PCDH11X: variants seen among roughly 807,000 people sequenced by gnomAD.
PCDH11X encodes protocadherin-11 X-linked.
In PCDH11X, 18 loss-of-function variants were observed where a neutral mutation model predicts 53.3. The observed-to-expected ratio is 0.34, with a 90% CI of 0.23 to 0.50. PCDH11X has a LOEUF of 0.50. Ranked by LOEUF, PCDH11X falls within the 20% of genes least tolerant of loss-of-function variation. The pLI is 0.98. For synonymous variants in PCDH11X, 279 were observed against 393.3 expected (o/e 0.71, Z 3.44); for missense variants, 570 against 1,032.4 (o/e 0.55, Z 6.14).
chrX:92,476,042 C>T lies in PCDH11X; in HGVS notation c.3367+7720C>T, dbSNP rs777016865. Among the ~76,000 whole-genome samples the T allele has an allele frequency of 1.6e-3, 175 of 111,534 alleles. 3 individuals carry two copies. The highest frequency in any genetic ancestry group is 5.5e-3 in the African/African-American group (170 of 30,683). ...CCCATAATTCCCATGGGTTGTGGGACGGACCCAGAGGGAGGTAACTGAATC... is the reference window on the plus strand; with the variant it reads ...CCCATAATTCCCATGGGTTGTGGGATGGACCCAGAGGGAGGTAACTGAATC... On this transcript the variant is annotated intron_variant, in intron 10 of 10. Transcript: ENST00000682573.
chrX:92,464,710 A>T (rs1486189151), intron 9 of PCDH11X, among the ~76,000 whole-genome samples: 1 of 111,432 alleles, frequency 9.0e-6, no homozygotes, highest in Admixed American at 9.6e-5. Flanking sequence ...CACAAGTACA[A>T]AACTGCTACA....
chrX:92,054,820 C>CAAAAAAAAAAAAA (rs1174448342), intron 6 of PCDH11X, among the ~76,000 whole-genome samples: 1 of 25,343 alleles, frequency 3.9e-5, no homozygotes, highest in Non-Finnish European at 8.3e-5. Flanking sequence ...AACTCTGTCT[C>CAAAAAAAAAAAAA]AAAAAAAAAA....
At chrX:92,586,963 C>G (rs1924446687) in intron 10 of PCDH11X, among the ~76,000 whole-genome samples, 2 of 103,370 alleles carry the variant, frequency 1.9e-5, no homozygotes, top group Non-Finnish European at 3.9e-5. Context: ...AAATGATGAA[C>G]TCTACACAGA....
chrX:92,233,811 G>A (rs764596909), intron 7 of PCDH11X, among the ~76,000 whole-genome samples: 1 of 111,725 alleles, frequency 9.0e-6, no homozygotes, highest in Admixed American at 9.6e-5. Flanking sequence ...GAATAGTTGT[G>A]TTTCAATTAA....
At chrX:92,408,843 A>G (rs1270751354) in intron 9 of PCDH11X, among the ~76,000 whole-genome samples, 1 of 108,404 alleles carries the variant, frequency 9.2e-6, no homozygotes, top group Non-Finnish European at 1.9e-5. Flanking sequence ...CGGCCTCCCA[A>G]AGTGCTGGGA....
chrX:92,376,793 C>T (rs899441497), intron 8 of PCDH11X, among the ~76,000 whole-genome samples: 25 of 111,366 alleles, frequency 2.2e-4, no homozygotes, highest in African/African-American at 7.8e-4. Flanking sequence ...CTTAATGTTC[C>T]ATTATGTTTA....
chrX:92,235,853 G>A (rs982841656), intron 7 of PCDH11X, among the ~76,000 whole-genome samples: 3 of 110,295 alleles, frequency 2.7e-5, no homozygotes, highest in East Asian at 5.7e-4. Flanking sequence ...CATCCTTCAC[G>A]TACAGCCCGG....
At chrX:92,449,234 A>G (rs1365228452) in intron 9 of PCDH11X, among the ~76,000 whole-genome samples, 1 of 112,236 alleles carries the variant, frequency 8.9e-6, no homozygotes, top group Admixed American at 9.5e-5. Context: ...AGTCAACTGA[A>G]TAGAATCAGG....
At chrX:92,303,800 A>G (rs1408466998) in intron 8 of PCDH11X, among the ~76,000 whole-genome samples, 1 of 109,915 alleles carries the variant, frequency 9.1e-6, no homozygotes, top group Non-Finnish European at 1.9e-5. Flanking sequence ...AGTACAACTA[A>G]CGCTAATGGT....
Position 92,594,848 on chromosome X carries a change from TTG to T in PCDH11X, c.3368-23414_3368-23413del, listed in dbSNP as rs57747751. Among the ~76,000 whole-genome samples the T allele has an allele frequency of 9.4e-3, 819 of 86,935 alleles. 5 individuals carry two copies. The highest frequency in any genetic ancestry group is 0.023 in the Admixed American group (185 of 8,024). 75.5% of individuals were successfully genotyped at this position (86,935 alleles called of 115,157 possible). On this transcript the variant is annotated intron_variant, in intron 10 of 10. Transcript: ENST00000682573. ...TTTGTTTAAAACATTGCTATTTTTT[TTG>T]TTTGTTTGTTTTGGAGTCCAGCAAA...
At chrX:92,582,518 T>C (rs765844367) in intron 10 of PCDH11X, among the ~76,000 whole-genome samples, 9 of 109,092 alleles carry the variant, frequency 8.2e-5, no homozygotes, top group African/African-American at 3.0e-4. Flanking sequence ...TTTCAGAGTG[T>C]GTATGGAAAT....
chrX:92,187,062 G>C (rs1410429428), intron 6 of PCDH11X, among the ~76,000 whole-genome samples: 1 of 111,706 alleles, frequency 9.0e-6, no homozygotes, highest in Non-Finnish European at 1.9e-5. Flanking sequence ...GCTTCCTGTT[G>C]CTGCTGCTGT....
chrX:91,838,018 C>T (rs1388804822), intron 5 of PCDH11X, among the ~76,000 whole-genome samples: 2 of 111,731 alleles, frequency 1.8e-5, no homozygotes, highest in Non-Finnish European at 3.8e-5. Flanking sequence ...CAAAATGAGA[C>T]CTTACCAAGT....
rs761742717 is a variant in PCDH11X at position 91,837,720 on chromosome X, TAATA to T, written c.540+1680_540+1683del. The stretch of plus-strand genomic sequence containing the variant: ...GAAGTGTGAGGCTTATCACTTGACA[TAATA>T]AATTGAGTAACAGAGTGGACAGTCT... On this transcript the variant is annotated intron_variant, in intron 5 of 10. Transcript: ENST00000682573. 2.5e-4 allele frequency among the ~76,000 whole-genome samples: 28 copies of T among 110,988 alleles called. No homozygotes were observed. The East Asian group carries it at 7.1e-3, about 28-fold the overall frequency.
chrX:92,487,048 C>CTTTTTT (rs758641899), intron 10 of PCDH11X, among the ~76,000 whole-genome samples: 14 of 67,819 alleles, frequency 2.1e-4, no homozygotes, highest in Admixed American at 6.1e-4. Flanking sequence ...AATATGCTTC[C>CTTTTTT]TTTTTTTTTT....
intron 10 of PCDH11X, among the ~76,000 whole-genome samples, chrX:92,574,852 A>C (rs1245327201): frequency 9.0e-6 from 1 of 110,968 alleles, no homozygotes; most frequent in Non-Finnish European, 1.9e-5. Context: ...ATTACAAAAA[A>C]TACTGTGTGT....
intron 8 of PCDH11X, among the ~76,000 whole-genome samples, chrX:92,339,352 T>C (rs1171390873): frequency 8.9e-6 from 1 of 112,418 alleles, no homozygotes; most frequent in East Asian, 2.8e-4. Context: ...TCTTAACATT[T>C]GTCTTGGGAA....
intron 6 of PCDH11X, among the ~76,000 whole-genome samples, chrX:92,137,868 T>G (rs1335324103): frequency 2.7e-5 from 3 of 110,611 alleles, no homozygotes; most frequent in African/African-American, 9.9e-5. Context: ...TATTTTGAGT[T>G]CCAGGGCGCA....
chrX:92,619,198 A>G lies in PCDH11X; in HGVS notation c.*258A>G, dbSNP rs199610438. ...TGTACAGTAAGGCTTATCATGACAG[A>G]GCGCACTATTTCTGATGTACAGTAT... is the stretch of plus-strand genomic sequence containing the variant. On this transcript the variant is annotated 3_prime_UTR_variant, in exon 11 of 11. Coordinates refer to ENST00000682573, the MANE Select transcript of PCDH11X (RefSeq NM_032968.5). The G allele has an allele frequency of 3.2e-5, 13 of 411,550 alleles. No homozygotes were observed. Among genetic ancestry groups the G allele is most frequent in the East Asian group, 8.2e-5 (2 of 24,302 alleles). 33.9% of individuals were successfully genotyped at this position (411,550 alleles called of 1,213,427 possible).
Sources: gnomAD v4.1 joint callset for allele counts (sites outside exome capture counted in the v4.1 genomes callset) on GRCh38, gnomAD v4.1.1 for gene constraint, MANE v1.5 for transcripts, NCBI Gene and HGNC (gene_info 2026-07-23, HGNC 2026-07-21) for gene names.